Variants in STAG1 observed in about 807,000 individuals in gnomAD.
The protein encoded by STAG1 is STAG1 cohesin complex component, also known as cohesin subunit SA-1.
A neutral mutation model predicts 170.9 loss-of-function variants in STAG1; 26 were observed. That is an observed-to-expected ratio of 0.15 (90% CI 0.11 to 0.21). The LOEUF is 0.21. Among genes scored for constraint, STAG1 ranks in the 10% least tolerant of loss-of-function variants. STAG1 has a pLI of 1.00. For synonymous variants in STAG1, 514 were observed against 497.7 expected (o/e 1.03, Z -0.44); for missense variants, 964 against 1,509.5 (o/e 0.64, Z 5.99).
At chr3:136,438,514 C>T (rs985813788) in intron 15 of STAG1, among the ~76,000 whole-genome samples, 3 of 152,068 alleles carry the variant, frequency 2.0e-5, no homozygotes, top group Non-Finnish European at 4.4e-5. Context: ...CATGAGCTAC[C>T]GTGCCTGGTT....
At chr3:136,339,775 T>C (rs1935888127) in intron 32 of STAG1, among the ~76,000 whole-genome samples, 1 of 152,174 alleles carries the variant, frequency 6.6e-6, no homozygotes, top group Non-Finnish European at 1.5e-5. Flanking sequence ...ATAAACACCA[T>C]GCATTACTAT....
chr3:136,596,391 T>A (rs1207314369), intron 4 of STAG1, among the ~76,000 whole-genome samples: 4 of 152,232 alleles, frequency 2.6e-5, no homozygotes, highest in African/African-American at 9.6e-5. Flanking sequence ...TTTAATAGTA[T>A]TTTTAATTAA....
At chr3:136,420,851 G>T (rs928765978) in intron 20 of STAG1, among the ~76,000 whole-genome samples, 3 of 152,142 alleles carry the variant, frequency 2.0e-5, no homozygotes, top group Non-Finnish European at 4.4e-5. Flanking sequence ...CTCGGCTCAC[G>T]ACAACCCCCA....
intron 6 of STAG1, among the ~76,000 whole-genome samples, chr3:136,525,520 ATGT>A (rs1934965869): frequency 6.6e-6 from 1 of 151,730 alleles, no homozygotes; most frequent in Admixed American, 6.6e-5. Context: ...TGGTCTATCA[ATGT>A]TGTTGATCTT....
At chr3:136,708,660 G>A (rs1441645549) in intron 1 of STAG1, among the ~76,000 whole-genome samples, 2 of 152,292 alleles carry the variant, frequency 1.3e-5, no homozygotes, top group South Asian at 2.1e-4. Flanking sequence ...TGGAAAGCCA[G>A]TATGAAGTAT....
At chr3:136,523,395 A>C (rs995012459) in intron 6 of STAG1, among the ~76,000 whole-genome samples, 1 of 135,804 alleles carries the variant, frequency 7.4e-6, no homozygotes, top group Non-Finnish European at 1.6e-5. Context: ...TCATATCCTT[A>C]GCCCACTTGT....
intron 6 of STAG1, among the ~76,000 whole-genome samples, chr3:136,536,499 G>A (rs1027055693): frequency 2.0e-5 from 3 of 152,032 alleles, no homozygotes; most frequent in South Asian, 2.1e-4. Context: ...CCAGGAGTTC[G>A]AGACCAGCCT....
intron 6 of STAG1, among the ~76,000 whole-genome samples, chr3:136,525,310 T>G (rs1250928016): frequency 6.6e-6 from 1 of 152,242 alleles, no homozygotes; most frequent in Non-Finnish European, 1.5e-5. Flanking sequence ...AACTTCTTCC[T>G]GGTTTAGTCT....
At chr3:136,523,995 T>C (rs1353774690) in intron 6 of STAG1, among the ~76,000 whole-genome samples, 1 of 152,164 alleles carries the variant, frequency 6.6e-6, no homozygotes, top group Non-Finnish European at 1.5e-5. Flanking sequence ...TTGGTTACTG[T>C]AGCCTTGTAG....
chr3:136,663,509 G>C (rs1018137859), intron 1 of STAG1, among the ~76,000 whole-genome samples: 8 of 152,118 alleles, frequency 5.3e-5, no homozygotes, highest in Middle Eastern at 3.2e-3. Flanking sequence ...CAGAGATAAG[G>C]GGAATGAAAG....
rs941493716 is a variant in STAG1 at position 136,367,415 on chromosome 3, T to A, written c.2546-333A>T. On this transcript the variant is annotated intron_variant, in intron 24 of 33. Coordinates refer to ENST00000383202, the MANE Select transcript of STAG1 (RefSeq NM_005862.3). ...AGGGAGGGCTGATTATACTCTACCA[T>A]TTTATTTAAGAGATTTGGGCATCCA... 6.6e-5 allele frequency among the ~76,000 whole-genome samples: 10 copies of A among 152,150 alleles called. No individual in the cohort carries two copies. The East Asian group carries it at 1.7e-3, about 26-fold the overall frequency.
In STAG1 at chr3:136,359,302, A is replaced by G; in HGVS notation, c.2788-6T>C. On this transcript the variant is annotated splice_region_variant and splice_polypyrimidine_tract_variant and intron_variant, in intron 26 of 33. Coordinates refer to ENST00000383202, the MANE Select transcript of STAG1 (RefSeq NM_005862.3). ...TGAACAAGTTCATTAAATAACTGAT[A>G]GAAAGAAAAAAAGAAGAAAAAACCT... The G allele has an allele frequency of 1.4e-5, 22 of 1,550,462 alleles. No individual in the cohort carries two copies. The highest frequency in any genetic ancestry group is 1.9e-5 in the Non-Finnish European group (22 of 1,148,192).
intron 10 of STAG1, among the ~76,000 whole-genome samples, chr3:136,474,806 T>A (rs1471665094): frequency 1.3e-5 from 2 of 152,208 alleles, no homozygotes; most frequent in African/African-American, 4.8e-5. Context: ...CAGTGTTAAC[T>A]GCTAATGGTT....
chr3:136,542,931 A>C (rs1386202296), intron 5 of STAG1, among the ~76,000 whole-genome samples: 3 of 152,190 alleles, frequency 2.0e-5, no homozygotes, highest in African/African-American at 7.2e-5. Flanking sequence ...ACATGCAGGC[A>C]GACTGGCTAC....
At chr3:136,529,171 G>C (rs187996265) in intron 6 of STAG1, among the ~76,000 whole-genome samples, 7 of 152,154 alleles carry the variant, frequency 4.6e-5, no homozygotes, top group African/African-American at 1.7e-4. Context: ...ATACCACAGA[G>C]CACCCAAATG....
intron 24 of STAG1, among the ~76,000 whole-genome samples, chr3:136,368,044 T>C (rs1183163579): frequency 2.0e-5 from 3 of 152,168 alleles, no homozygotes; most frequent in African/African-American, 7.2e-5. Context: ...GTCAGTCTCT[T>C]TCCTTTCTAC....
chr3:136,714,267 C>T (rs1943462277), intron 1 of STAG1, among the ~76,000 whole-genome samples: 1 of 152,046 alleles, frequency 6.6e-6, no homozygotes, highest in South Asian at 2.1e-4. Flanking sequence ...CAGTATTTAG[C>T]AATAAAGACT....
chr3:136,367,134 A>G, intron 24 of STAG1, 52 bp from the exon 25 acceptor site: 1 of 1,399,022 alleles, frequency 7.1e-7, no homozygotes, highest in Non-Finnish European at 9.9e-7. Flanking sequence ...ATCCACGTAA[A>G]ACAATGCAGA....
chr3:136,551,198 T>TGAGAGAGAGAGAGA, intron 5 of STAG1, among the ~76,000 whole-genome samples: 1 of 43,130 alleles, frequency 2.3e-5, no homozygotes, highest in African/African-American at 1.2e-4. Context: ...AGAGAGAGGT[T>TGAGAGAGAGAGAGA]GAGAGAGAGT....
Sources: allele counts gnomAD v4.1 joint callset (sites outside exome capture counted in the v4.1 genomes callset), GRCh38; gene constraint gnomAD v4.1.1; transcripts MANE v1.5; gene names NCBI Gene and HGNC (gene_info 2026-07-23, HGNC 2026-07-21).